CHODL: variants seen among roughly 807,000 people sequenced by gnomAD.
CHODL encodes the protein transmembrane protein MT75.
A neutral mutation model predicts 34.5 loss-of-function variants in CHODL; 29 were observed. The observed-to-expected ratio is 0.84, with a 90% CI of 0.63 to 1.15. CHODL has a LOEUF of 1.15. CHODL is among the 50% of genes most tolerant of loss of function. The probability of loss-of-function intolerance (pLI) is 0.00; values close to 1 mark genes in which losing one functional copy is unlikely to be tolerated. For missense variants in CHODL, 332 were observed against 332.5 expected, an observed-to-expected ratio of 1.00 and a Z score of 0.01; for synonymous variants, 125 against 116.1, an observed-to-expected ratio of 1.08 and a Z score of -0.49.
chr21:18,141,735 A>G (rs2072806100), intron 2 of CHODL, among the ~76,000 whole-genome samples: 1 of 152,010 alleles, frequency 6.6e-6, no homozygotes, highest in East Asian at 1.9e-4. Context: ...AAAAAAAAAA[A>G]AAAAGAAAAT....
chr21:17,979,790 AAC>A (rs1177482588), intron 1 of CHODL, among the ~76,000 whole-genome samples: 1 of 152,172 alleles, frequency 6.6e-6, no homozygotes, highest in East Asian at 1.9e-4. Context: ...GGTTTTAGGA[AAC>A]ACAGCAGTTG....
chr21:18,245,556 C>A (rs1216159343), intron 1 of CHODL, among the ~76,000 whole-genome samples: 2 of 152,176 alleles, frequency 1.3e-5, no homozygotes, highest in Admixed American at 6.5e-5. Context: ...TCATTACGAG[C>A]GGCATAGCCT....
chr21:18,041,053 T>C (rs2064369384), intron 2 of CHODL, among the ~76,000 whole-genome samples: 1 of 151,958 alleles, frequency 6.6e-6, no homozygotes, highest in African/African-American at 2.4e-5. Context: ...ATTTCCTCCC[T>C]TTTTTAGAAA....
intron 2 of CHODL, among the ~76,000 whole-genome samples, chr21:18,029,195 C>A (rs1041510145): frequency 6.6e-6 from 1 of 152,080 alleles, no homozygotes. Context: ...GGAATCTCAG[C>A]TTTAAATAGC....
intron 2 of CHODL, among the ~76,000 whole-genome samples, chr21:18,092,769 C>T (rs1325031195): frequency 2.0e-5 from 3 of 152,000 alleles, no homozygotes; most frequent in Non-Finnish European, 4.4e-5. Context: ...AATACAAAGT[C>T]AGAGGAGACA....
chr21:18,107,575 GAGTT>G (rs1263418400), intron 2 of CHODL, among the ~76,000 whole-genome samples: 11 of 152,168 alleles, frequency 7.2e-5, no homozygotes, highest in African/African-American at 2.2e-4. Flanking sequence ...GCCTTGTGAA[GAGTT>G]TCCTGGAAGA....
intron 2 of CHODL, among the ~76,000 whole-genome samples, chr21:18,135,554 C>G (rs1346226591): frequency 1.3e-5 from 2 of 152,226 alleles, no homozygotes; most frequent in South Asian, 4.2e-4. Context: ...TCTGGTCAAT[C>G]CCTTCTCCTA....
intron 2 of CHODL, among the ~76,000 whole-genome samples, chr21:18,084,311 A>G (rs976215641): frequency 4.6e-5 from 7 of 151,834 alleles, no homozygotes; most frequent in African/African-American, 9.7e-5. Flanking sequence ...CCTTCAAACT[A>G]TAGGTTTAGT....
intron 1 of CHODL, among the ~76,000 whole-genome samples, chr21:17,965,894 C>T (rs937441848): frequency 1.4e-5 from 2 of 143,780 alleles, no homozygotes; most frequent in African/African-American, 5.1e-5. Context: ...GTTATAAATA[C>T]CTATCAAGAG....
At chr21:18,145,236 A>G (rs2146616477) in intron 2 of CHODL, among the ~76,000 whole-genome samples, 1 of 100,286 alleles carries the variant, frequency 1.0e-5, no homozygotes, top group African/African-American at 3.6e-5. Context: ...GGAGATCGAG[A>G]CCATCCTGGC....
chr21:17,972,774 C>G (rs187207252), intron 1 of CHODL, among the ~76,000 whole-genome samples: 3 of 152,278 alleles, frequency 2.0e-5, no homozygotes, highest in Non-Finnish European at 4.4e-5. Context: ...GCTGTTTTCA[C>G]AGAATTAGAA....
At chr21:18,029,702 G>A (rs1264952643) in intron 2 of CHODL, among the ~76,000 whole-genome samples, 1 of 152,072 alleles carries the variant, frequency 6.6e-6, no homozygotes, top group Non-Finnish European at 1.5e-5. Flanking sequence ...GACAAAGGAG[G>A]TAGGCATTCC....
intron 1 of CHODL, among the ~76,000 whole-genome samples, chr21:17,992,653 A>G (rs1404812764): frequency 1.4e-5 from 2 of 141,890 alleles, no homozygotes; most frequent in African/African-American, 2.7e-5. Context: ...ATTTTTGAAC[A>G]TTGATTTTGT....
At chr21:18,186,607 C>A (rs2073444256) in intron 2 of CHODL, among the ~76,000 whole-genome samples, 1 of 152,132 alleles carries the variant, frequency 6.6e-6, no homozygotes, top group South Asian at 2.1e-4. Context: ...AATCAAAACA[C>A]ATATTTACAT....
chr21:18,015,193 G>C (rs951681926), intron 1 of CHODL, among the ~76,000 whole-genome samples: 1 of 152,184 alleles, frequency 6.6e-6, no homozygotes, highest in South Asian at 2.1e-4. Flanking sequence ...GGAGGGGTCT[G>C]ATGGGAGGTG....
rs572831034 is a variant in CHODL at position 18,085,895 on chromosome 21, C to T, written c.-45+57924C>T. On this transcript the variant is annotated intron_variant, in intron 2 of 6. Coordinates refer to the CHODL transcript ENST00000400127. ...GGGCCTTCTATGTCTGGATTTCTGA[C>T]TCTCTTGCAAGACATGGGAAGTTTT... is the stretch of plus-strand genomic sequence containing the variant. 9.9e-5 allele frequency among the ~76,000 whole-genome samples: 15 copies of T among 152,166 alleles called. No individual in the cohort carries two copies. The South Asian group carries it at 3.1e-3, about 32-fold the overall frequency.
chr21:18,059,517 T>C (rs1322775172), intron 2 of CHODL, among the ~76,000 whole-genome samples: 1 of 151,904 alleles, frequency 6.6e-6, no homozygotes, highest in African/African-American at 2.4e-5. Context: ...TTTCCAACTT[T>C]TATTAAGTTC....
intron 2 of CHODL, among the ~76,000 whole-genome samples, chr21:18,209,747 C>G (rs1338598709): frequency 2.6e-5 from 4 of 152,090 alleles, no homozygotes; most frequent in Non-Finnish European, 5.9e-5. Flanking sequence ...GATGAGGAAT[C>G]TTTCCAGGAC....
chr21:18,199,584 C>A (rs943550226), intron 2 of CHODL, among the ~76,000 whole-genome samples: 1 of 152,008 alleles, frequency 6.6e-6, no homozygotes, highest in African/African-American at 2.4e-5. Flanking sequence ...TCCACCATTA[C>A]CTAAAAAATC....
Sources: gnomAD v4.1 joint callset for allele counts (sites outside exome capture counted in the v4.1 genomes callset) on GRCh38, gnomAD v4.1.1 for gene constraint, MANE v1.5 for transcripts, NCBI Gene and HGNC (gene_info 2026-07-23, HGNC 2026-07-21) for gene names.